Variants in PPP1R3A observed in about 807,000 individuals in gnomAD.
PPP1R3A encodes the protein RG1.
Under a neutral mutation model 41.7 loss-of-function variants are expected in PPP1R3A, and 29 were observed. The observed-to-expected ratio is 0.70, with a 90% CI of 0.52 to 0.95. The LOEUF (loss-of-function observed/expected upper bound fraction) is 0.95. Among genes scored for constraint, PPP1R3A ranks in the 40% least tolerant of loss-of-function variants. The probability of loss-of-function intolerance (pLI) is 0.00; values close to 1 mark genes in which losing one functional copy is unlikely to be tolerated. For missense variants in PPP1R3A, 1,352 were observed against 1,292.4 expected (o/e 1.05, Z -0.71); for synonymous variants, 485 against 453.4 (o/e 1.07, Z -0.89).
rs1562916926 is a variant in PPP1R3A, at chr7:113,879,663, T to G, written c.1429A>C (p.Ile477Leu). ...AAACATCCCAAATCTTTTACTTCAA[T>G]ATTTTTAGCTCCTCCTTCATGTTTT... ...NKKHEGGAKN[I>L]EVKDLGCLRR... The change falls in exon 4 of 4, where the codon ATT becomes CTT. Residue 477 changes from isoleucine (I) to leucine (L), a missense_variant. Transcript: ENST00000284601. The G allele has an allele frequency of 1.2e-6, 2 of 1,613,036 alleles. No homozygotes were observed. The highest frequency in any genetic ancestry group is 1.7e-6 in the Non-Finnish European group (2 of 1,179,618).
At chr7:113,884,516 G>A (rs1796747419) in intron 1 of PPP1R3A, among the ~76,000 whole-genome samples, 2 of 151,926 alleles carry the variant, frequency 1.3e-5, no homozygotes, top group African/African-American at 4.8e-5. Context: ...CAGACAATAG[G>A]AAATATGGTA....
At position 113,878,750 on chromosome 7, in the gene PPP1R3A, T is replaced by C; in HGVS notation, c.2342A>G (p.Asp781Gly). ...TTGACAAAGGGTATAATGTGAATCA[T>C]CATTTCTCCCTTCATGTGGATCAAA... ...TAFDPHEGRN[D>G]DSHYTLCQRD... The change falls in exon 4 of 4, where the codon GAT (aspartate) becomes GGT (glycine). Residue 781 changes from aspartate to glycine, a missense_variant. Asp to Gly is a moderately conservative substitution (Grantham distance 94). Coordinates refer to ENST00000284601, the MANE Select transcript of PPP1R3A (RefSeq NM_002711.4). 6.2e-7 allele frequency: 1 copy of C among 1,613,548 alleles called. No homozygotes were observed. The highest frequency in any genetic ancestry group is 8.5e-7 in the Non-Finnish European group (1 of 1,179,716).
intron 1 of PPP1R3A, among the ~76,000 whole-genome samples, chr7:113,895,303 A>G (rs746219690): frequency 2.6e-5 from 4 of 152,112 alleles, no homozygotes; most frequent in East Asian, 3.9e-4. Context: ...CAATGCTTCA[A>G]TATGTTTTAT....
chr7:113,912,679 G>A (rs1405218310), intron 1 of PPP1R3A, among the ~76,000 whole-genome samples: 2 of 151,984 alleles, frequency 1.3e-5, no homozygotes, highest in East Asian at 3.9e-4. Flanking sequence ...ACTTCATAAC[G>A]GTGCCATCTT....
chr7:113,906,083 T>TA (rs1296312565), intron 1 of PPP1R3A, among the ~76,000 whole-genome samples: 2 of 151,798 alleles, frequency 1.3e-5, no homozygotes, highest in Admixed American at 6.6e-5. Context: ...GTTGAACAAT[T>TA]AGAGTATGCT....
rs1352263204 is a variant in PPP1R3A, at chr7:113,880,060, T to C, written c.1032A>G (p.Thr344=). Residue 344 remains threonine, a synonymous_variant, in exon 4 of 4, where the codon ACA becomes ACG. Coordinates refer to ENST00000284601, the MANE Select transcript of PPP1R3A (RefSeq NM_002711.4). ...ASRDERNTFS[T]DPVNFPNKAE... ...CTTTATTTGGAAAATTGACTGGATC[T>C]GTTGAAAATGTATTCCTTTCATCTC... is the stretch of plus-strand genomic sequence containing the variant. 1.4e-5 allele frequency: 23 copies of C among 1,610,020 alleles called. No homozygotes were observed. Among genetic ancestry groups the C allele is most frequent in the Non-Finnish European group, 2.0e-5 (23 of 1,176,844 alleles).
intron 1 of PPP1R3A, among the ~76,000 whole-genome samples, chr7:113,909,637 AC>A (rs1273462891): frequency 5.9e-5 from 9 of 152,056 alleles, no homozygotes; most frequent in African/African-American, 2.2e-4. Context: ...TTAAAACACT[AC>A]AAACTTGTTT....
At chr7:113,893,818 C>T (rs1796932924) in intron 1 of PPP1R3A, among the ~76,000 whole-genome samples, 1 of 152,010 alleles carries the variant, frequency 6.6e-6, no homozygotes, top group African/African-American at 2.4e-5. Context: ...CTTGATCTTA[C>T]TGAAAACAAG....
chr7:113,915,645 T>A (rs1298759691), intron 1 of PPP1R3A, among the ~76,000 whole-genome samples: 1 of 150,022 alleles, frequency 6.7e-6, no homozygotes, highest in African/African-American at 2.4e-5. Flanking sequence ...ATATATTCTG[T>A]TTTTACCTTC....
chr7:113,918,863 C>A lies in PPP1R3A; in HGVS notation c.134G>T (p.Gly45Val). The A allele has an allele frequency of 1.2e-6, 2 of 1,613,762 alleles. No individual in the cohort carries two copies. The highest frequency in any genetic ancestry group is 1.7e-6 in the Non-Finnish European group (2 of 1,179,804). ...GTATATGTCTTCAGAAGAATCAGAA[C>A]CTCGTCTACTTGGTTGAGGGGAGAA... ...PGFSPQPSRR[G>V]SDSSEDIYLD... The change falls in exon 1 of 4, where the codon GGT becomes GTT. Residue 45 changes from glycine (G) to valine (V), a missense_variant. By Grantham distance (109) the Gly-to-Val change is moderately radical. Coordinates refer to ENST00000284601, the MANE Select transcript of PPP1R3A (RefSeq NM_002711.4).
intron 1 of PPP1R3A, among the ~76,000 whole-genome samples, chr7:113,914,333 A>C (rs1797304020): frequency 6.6e-6 from 1 of 152,136 alleles, no homozygotes; most frequent in South Asian, 2.1e-4. Flanking sequence ...ACTGAAATTA[A>C]TATGCATGTC....
rs1428682288 is a variant in PPP1R3A at position 113,884,802 on chromosome 7, CA to C, written c.783-2483del. On this transcript the variant is annotated intron_variant, in intron 1 of 3. Transcript: ENST00000284601. ...ATTACACAAAATCAACACAAATAAG[CA>C]TCAAGAATACATAATGAACTCCTAC... 2.0e-5 allele frequency among the ~76,000 whole-genome samples: 3 copies of C among 152,040 alleles called. No homozygotes were observed. The South Asian group carries it at 6.2e-4, about 32-fold the overall frequency.
intron 1 of PPP1R3A, among the ~76,000 whole-genome samples, chr7:113,900,498 A>G (rs1797044136): frequency 6.6e-6 from 1 of 151,230 alleles, no homozygotes; most frequent in Non-Finnish European, 1.5e-5. Context: ...CACTTGCAAG[A>G]TTACACTTGC....
chr7:113,906,431 T>G (rs1188690071), intron 1 of PPP1R3A, among the ~76,000 whole-genome samples: 1 of 151,786 alleles, frequency 6.6e-6, no homozygotes, highest in Non-Finnish European at 1.5e-5. Context: ...AAATTAGGTT[T>G]GATATTAAAG....
chr7:113,908,697 T>C (rs957345073), intron 1 of PPP1R3A, among the ~76,000 whole-genome samples: 2 of 151,906 alleles, frequency 1.3e-5, no homozygotes, highest in African/African-American at 4.8e-5. Context: ...CACTCGTAGA[T>C]GTTATTGTAG....
Position 113,877,762 on chromosome 7 carries a change from C to T in PPP1R3A, c.3330G>A (p.Trp1110Ter), listed in dbSNP as rs1796593148. ...CAGACTCTTTTTGTCTACCCTCTTC[C>T]CAGGATAGCCAGGACAATGACAAAA... Reference protein sequence around the residue: ...FYVLSLSWLSWEEGRQKESVK... With the variant: ...FYVLSLSWLS The change falls in exon 4 of 4, where the codon TGG becomes TGA. Residue 1110 changes from tryptophan to a stop codon, truncating the protein, a stop_gained. Coordinates refer to ENST00000284601, the MANE Select transcript of PPP1R3A (RefSeq NM_002711.4). LOFTEE classifies it high-confidence loss of function. 1 of 1,588,516 alleles carries T rather than the reference C, an allele frequency of 6.3e-7. No homozygotes were observed. The highest frequency in any genetic ancestry group is 8.6e-7 in the Non-Finnish European group (1 of 1,167,602).
intron 1 of PPP1R3A, among the ~76,000 whole-genome samples, chr7:113,911,995 C>T (rs867181343): frequency 6.6e-6 from 1 of 152,134 alleles, no homozygotes; most frequent in South Asian, 2.1e-4. Context: ...ATTATTATCC[C>T]TATTTTACAC....
At position 113,879,622 on chromosome 7, in the gene PPP1R3A, A is replaced by G. The variant is rs1796647507; in HGVS notation, c.1470T>C (p.His490=). The G allele has an allele frequency of 2.5e-6, 4 of 1,613,294 alleles. No individual in the cohort carries two copies. Among genetic ancestry groups the G allele is most frequent in the Non-Finnish European group, 3.4e-6 (4 of 1,179,642 alleles). Residue 490 remains histidine, a synonymous_variant, in exon 4 of 4, where the codon CAT becomes CAC. Coordinates refer to ENST00000284601, the MANE Select transcript of PPP1R3A (RefSeq NM_002711.4). ...KDLGCLRRDF[H]SDTSACLKES... is the part of the protein sequence containing the mutation. ...CTTTGAGACATGCCGACGTATCTGA[A>G]TGGAAATCTCTTCGTAAACATCCCA...
At chr7:113,910,273 T>C (rs574654631) in intron 1 of PPP1R3A, among the ~76,000 whole-genome samples, 1 of 151,968 alleles carries the variant, frequency 6.6e-6, no homozygotes, top group African/African-American at 2.4e-5. Flanking sequence ...AAGAAGAAAA[T>C]ATATAACCAT....
Sources: gnomAD v4.1 joint callset for allele counts (sites outside exome capture counted in the v4.1 genomes callset) on GRCh38, gnomAD v4.1.1 for gene constraint, MANE v1.5 for transcripts, NCBI Gene and HGNC (gene_info 2026-07-23, HGNC 2026-07-21) for gene names.